Variants in GRM8 observed in about 807,000 individuals in gnomAD.
The protein encoded by GRM8 is glutamate metabotropic receptor 8.
In GRM8, 47 loss-of-function variants were observed where a neutral mutation model predicts 87.2. The observed-to-expected ratio is 0.54, with a 90% CI of 0.43 to 0.69. The LOEUF (loss-of-function observed/expected upper bound fraction) is 0.69. Ranked by LOEUF, GRM8 falls within the 30% of genes least tolerant of loss-of-function variation. The pLI is 0.00. For synonymous variants in GRM8, 396 were observed against 404.5 expected (o/e 0.98, Z 0.25); for missense variants, 1,019 against 1,139.2 (o/e 0.89, Z 1.52).
chr7:126,724,644 T>A (rs1812763455), intron 7 of GRM8, among the ~76,000 whole-genome samples: 1 of 152,144 alleles, frequency 6.6e-6, no homozygotes, highest in African/African-American at 2.4e-5. Flanking sequence ...ATTTATCTTC[T>A]TTATGGTTGT....
chr7:126,836,202 G>A (rs1437648343), intron 6 of GRM8, among the ~76,000 whole-genome samples: 1 of 151,856 alleles, frequency 6.6e-6, no homozygotes, highest in Non-Finnish European at 1.5e-5. Flanking sequence ...TCCTCTCGAA[G>A]GTTAAAAAAA....
chr7:126,636,306 G>A (rs1801846337), intron 7 of GRM8, among the ~76,000 whole-genome samples: 2 of 152,034 alleles, frequency 1.3e-5, no homozygotes, highest in African/African-American at 2.4e-5. Flanking sequence ...GGGGTCCAGA[G>A]AGGCTTGGTT....
At chr7:127,236,173 C>T (rs928141006) in intron 2 of GRM8, among the ~76,000 whole-genome samples, 1 of 152,150 alleles carries the variant, frequency 6.6e-6, no homozygotes, top group African/African-American at 2.4e-5. Context: ...TTAAGATCTA[C>T]TCTTTCAACA....
At chr7:126,730,059 AGAG>A (rs1177786429) in intron 7 of GRM8, among the ~76,000 whole-genome samples, 3 of 152,182 alleles carry the variant, frequency 2.0e-5, no homozygotes, top group Non-Finnish European at 4.4e-5. Context: ...CGATCAAATA[AGAG>A]GAGAATCAAA....
chr7:127,193,487 A>G (rs1043221058), intron 2 of GRM8, among the ~76,000 whole-genome samples: 20 of 152,144 alleles, frequency 1.3e-4, no homozygotes, highest in African/African-American at 4.8e-4. Context: ...AGGTAGGTCA[A>G]CTCCGCAGGA....
intron 6 of GRM8, among the ~76,000 whole-genome samples, chr7:126,779,223 T>C (rs1248155193): frequency 2.0e-5 from 3 of 152,128 alleles, no homozygotes; most frequent in African/African-American, 7.2e-5. Context: ...CATAAGTTTT[T>C]CATTTTCCAA....
intron 8 of GRM8, among the ~76,000 whole-genome samples, chr7:126,570,585 C>A (rs887909581): frequency 2.6e-5 from 4 of 152,172 alleles, no homozygotes; most frequent in Non-Finnish European, 5.9e-5. Context: ...AGTCCCATCA[C>A]CCATTTATTG....
At chr7:126,530,663 A>G (rs764601082) in intron 9 of GRM8, among the ~76,000 whole-genome samples, 11 of 152,268 alleles carry the variant, frequency 7.2e-5, no homozygotes, top group Non-Finnish European at 1.5e-4. Context: ...AGTACAAAAG[A>G]AAATGGAGGA....
At chr7:127,010,555 A>G (rs887094704) in intron 3 of GRM8, among the ~76,000 whole-genome samples, 1 of 152,180 alleles carries the variant, frequency 6.6e-6, no homozygotes, top group African/African-American at 2.4e-5. Context: ...ATTAATTTCA[A>G]TCCTTTTCCC....
intron 7 of GRM8, among the ~76,000 whole-genome samples, chr7:126,753,876 G>A (rs991420612): frequency 1.3e-5 from 2 of 151,834 alleles, no homozygotes; most frequent in Non-Finnish European, 2.9e-5. Context: ...TAAGTGATCT[G>A]AATCCACACT....
At chr7:127,205,387 A>T (rs1350766306) in intron 2 of GRM8, among the ~76,000 whole-genome samples, 1 of 152,202 alleles carries the variant, frequency 6.6e-6, no homozygotes, top group African/African-American at 2.4e-5. Flanking sequence ...TGAATTACCA[A>T]GACTCGGGCT....
chr7:126,846,574 G>T (rs1408555587), intron 6 of GRM8, among the ~76,000 whole-genome samples: 1 of 152,192 alleles, frequency 6.6e-6, no homozygotes, highest in Non-Finnish European at 1.5e-5. Flanking sequence ...CCCTGGAGTT[G>T]AATAATATGT....
chr7:127,009,968 A>G (rs560666981), intron 3 of GRM8, among the ~76,000 whole-genome samples: 3 of 151,976 alleles, frequency 2.0e-5, no homozygotes, highest in Admixed American at 2.0e-4. Context: ...TCAGCCTCCC[A>G]AGTAGGTGGG....
chr7:126,656,918 G>A (rs998446532), intron 7 of GRM8, among the ~76,000 whole-genome samples: 1 of 152,142 alleles, frequency 6.6e-6, no homozygotes, highest in African/African-American at 2.4e-5. Context: ...TCGGTTGCAG[G>A]GTCTTACCTC....
chr7:127,231,082 A>C (rs1797659067), intron 2 of GRM8, among the ~76,000 whole-genome samples: 1 of 152,096 alleles, frequency 6.6e-6, no homozygotes, highest in Non-Finnish European at 1.5e-5. Context: ...CTTTCATATT[A>C]TCCACTACAA....
intron 2 of GRM8, among the ~76,000 whole-genome samples, chr7:127,234,154 G>T (rs2116828448): frequency 6.6e-6 from 1 of 152,346 alleles, no homozygotes. Flanking sequence ...TCAGGAGGTA[G>T]CTGTCATGGT....
At chr7:126,454,504 C>CTT (rs1196787435) in intron 9 of GRM8, among the ~76,000 whole-genome samples, 1 of 134,322 alleles carries the variant, frequency 7.4e-6, no homozygotes, top group Non-Finnish European at 1.6e-5. Flanking sequence ...TTTAAAAGTG[C>CTT]TATTTTTTTT....
At position 126,722,518 on chromosome 7, in the gene GRM8, A is replaced by G. The variant is rs913207654; in HGVS notation, c.1357+47347T>C. 3.9e-5 allele frequency among the ~76,000 whole-genome samples: 6 copies of G among 152,244 alleles called. No homozygotes were observed. In the East Asian group the frequency reaches 1.2e-3, roughly 29 times the overall value. On this transcript the variant is annotated intron_variant, in intron 7 of 10. Coordinates refer to ENST00000339582, the MANE Select transcript of GRM8 (RefSeq NM_000845.3). Reference sequence around the variant, plus strand: ...ATGGGACTATGAAGATGATCTTTCTAAAAAACAAACTATTTATGTCACTGT... The same window carrying G: ...ATGGGACTATGAAGATGATCTTTCTGAAAAACAAACTATTTATGTCACTGT...
At chr7:126,752,758 A>G (rs924198199) in intron 7 of GRM8, among the ~76,000 whole-genome samples, 2 of 152,092 alleles carry the variant, frequency 1.3e-5, no homozygotes, top group African/African-American at 4.8e-5. Context: ...AAGTTTTTGT[A>G]CCAGCTTTTC....
Sources: allele counts gnomAD v4.1 joint callset (sites outside exome capture counted in the v4.1 genomes callset), GRCh38; gene constraint gnomAD v4.1.1; transcripts MANE v1.5; gene names NCBI Gene and HGNC (gene_info 2026-07-23, HGNC 2026-07-21).